The following HECW2 variants were observed in gnomAD, a reference collection of about 807,000 sequenced individuals.
The protein encoded by HECW2 is HECT, C2 and WW domain containing E3 ubiquitin protein ligase 2, also known as E3 ubiquitin-protein ligase HECW2.
Under a neutral mutation model 175.2 loss-of-function variants are expected in HECW2, and 61 were observed. That is an observed-to-expected ratio of 0.35 (90% CI 0.28 to 0.43). The LOEUF is 0.43. HECW2 is among the 20% of genes least tolerant of loss of function. The pLI is 1.00. For missense variants in HECW2, 1,524 were observed against 2,000.5 expected, an observed-to-expected ratio of 0.76 and a Z score of 4.54; for synonymous variants, 671 against 731.0, an observed-to-expected ratio of 0.92 and a Z score of 1.32.
chr2:196,221,886 A>T (rs1040935275), intron 24 of HECW2, among the ~76,000 whole-genome samples: 1 of 152,210 alleles, frequency 6.6e-6, no homozygotes. Flanking sequence ...CAATTAAAAA[A>T]TTCTGTAGTG....
intron 1 of HECW2, among the ~76,000 whole-genome samples, chr2:196,503,476 G>A (rs1012792746): frequency 6.6e-6 from 1 of 152,138 alleles, no homozygotes; most frequent in Admixed American, 6.6e-5. Flanking sequence ...CGCATTGAGA[G>A]GAAAGGGCAG....
chr2:196,460,165 T>C (rs896513222), intron 1 of HECW2, among the ~76,000 whole-genome samples: 1 of 152,106 alleles, frequency 6.6e-6, no homozygotes, highest in Non-Finnish European at 1.5e-5. Flanking sequence ...CAGCTGACAA[T>C]GAGGCTGGAA....
At chr2:196,417,310 T>A (rs2125239117) in intron 2 of HECW2, among the ~76,000 whole-genome samples, 1 of 152,386 alleles carries the variant, frequency 6.6e-6, no homozygotes, top group Admixed American at 6.5e-5. Context: ...TGAAACTTAT[T>A]TAAAACATAG....
chr2:196,284,505 C>T lies in HECW2; in HGVS notation c.3001-5843G>A, dbSNP rs10205724. Among the ~76,000 whole-genome samples, 1,330 of 152,322 alleles carry T rather than the reference C, an allele frequency of 8.7e-3. 28 individuals carry two copies. The highest frequency in any genetic ancestry group is 0.03 in the African/African-American group (1,248 of 41,560). ...GAGTTTTGGCTCTGCTCTGGGCCCACTGTGTGACCTTGGACAGGTTTCCTT... is the reference window on the plus strand; with the variant it reads ...GAGTTTTGGCTCTGCTCTGGGCCCATTGTGTGACCTTGGACAGGTTTCCTT... On this transcript the variant is annotated intron_variant, in intron 14 of 28. Coordinates refer to ENST00000644978, the MANE Select transcript of HECW2 (RefSeq NM_001348768.2).
chr2:196,323,913 TTGTTTG>T lies in HECW2; in HGVS notation c.741+1061_741+1066del, dbSNP rs1404204650. On this transcript the variant is annotated intron_variant, in intron 6 of 28. Transcript: ENST00000644978. ...TGCCCTTAAGAGTTTTTTTTGTTTT[TTGTTTG>T]TTTTTTTTTTTTTTTTTTACCATGA... 3.0e-3 allele frequency among the ~76,000 whole-genome samples: 263 copies of T among 86,900 alleles called. 3 individuals carry two copies. Among genetic ancestry groups the T allele is most frequent in the African/African-American group, 0.015 (252 of 16,400 alleles). 57.0% of individuals were successfully genotyped at this position (86,900 alleles called of 152,430 possible).
intron 2 of HECW2, among the ~76,000 whole-genome samples, chr2:196,372,566 A>T (rs1559073230): frequency 6.6e-6 from 1 of 152,188 alleles, no homozygotes; most frequent in African/African-American, 2.4e-5. Flanking sequence ...ACAATGGGTA[A>T]AGTCACAATA....
At chr2:196,385,975 A>G (rs1314086457) in intron 2 of HECW2, among the ~76,000 whole-genome samples, 1 of 152,170 alleles carries the variant, frequency 6.6e-6, no homozygotes, top group Non-Finnish European at 1.5e-5. Context: ...TCCTATTAAC[A>G]TACACCAATG....
At chr2:196,466,736 G>C (rs1696969816) in intron 1 of HECW2, among the ~76,000 whole-genome samples, 1 of 152,150 alleles carries the variant, frequency 6.6e-6, no homozygotes, top group African/African-American at 2.4e-5. Flanking sequence ...CATCTCCAGG[G>C]GAATTACTGA....
chr2:196,275,478 G>A (rs1295137515), intron 15 of HECW2, among the ~76,000 whole-genome samples: 1 of 152,044 alleles, frequency 6.6e-6, no homozygotes, highest in Non-Finnish European at 1.5e-5. Context: ...TGTGGGCCAG[G>A]CACGGTGGCT....
chr2:196,280,480 C>T (rs1225621685), intron 14 of HECW2, among the ~76,000 whole-genome samples: 1 of 152,138 alleles, frequency 6.6e-6, no homozygotes, highest in Non-Finnish European at 1.5e-5. Flanking sequence ...TAACTTTAAG[C>T]AATGGATGTA....
intron 1 of HECW2, among the ~76,000 whole-genome samples, chr2:196,514,034 A>G (rs991284894): frequency 6.6e-6 from 1 of 152,100 alleles, no homozygotes; most frequent in African/African-American, 2.4e-5. Context: ...TTGGAGTTGG[A>G]GGGGCAGGAG....
chr2:196,446,740 T>A (rs868734069), intron 1 of HECW2, among the ~76,000 whole-genome samples: 2 of 152,070 alleles, frequency 1.3e-5, no homozygotes, highest in South Asian at 4.2e-4. Context: ...AAAAGGTGCA[T>A]CAAAGCAGAA....
chr2:196,391,853 T>C (rs1201737550), intron 2 of HECW2, among the ~76,000 whole-genome samples: 1 of 152,230 alleles, frequency 6.6e-6, no homozygotes, highest in Non-Finnish European at 1.5e-5. Context: ...TTCTGATGGT[T>C]GTTGGCAATC....
intron 17 of HECW2, 57 bp from the exon 18 acceptor site, chr2:196,257,963 CAGTAGTAA>C (rs1396824334): frequency 7.8e-7 from 1 of 1,289,904 alleles, no homozygotes; most frequent in African/African-American, 1.5e-5. Flanking sequence ...GGCTATAACT[CAGTAGTAA>C]AGAGCATTTT....
chr2:196,323,597 T>C (rs6734930), intron 6 of HECW2, among the ~76,000 whole-genome samples: 6,250 of 152,248 alleles, frequency 0.041, 460 homozygotes, highest in African/African-American at 0.14. Flanking sequence ...AAGTACTTGC[T>C]TAGAATAAAA....
At chr2:196,378,891 C>T (rs1219944806) in intron 2 of HECW2, among the ~76,000 whole-genome samples, 3 of 152,102 alleles carry the variant, frequency 2.0e-5, no homozygotes, top group African/African-American at 7.2e-5. Flanking sequence ...CTTAGCATCA[C>T]GAAGAATGGG....
intron 2 of HECW2, among the ~76,000 whole-genome samples, chr2:196,387,281 C>T (rs1694376292): frequency 6.6e-6 from 1 of 152,084 alleles, no homozygotes; most frequent in Non-Finnish European, 1.5e-5. Context: ...CATATGTTGA[C>T]TTCAAATCCC....
At chr2:196,360,167 C>T (rs532733805) in intron 2 of HECW2, among the ~76,000 whole-genome samples, 1 of 152,260 alleles carries the variant, frequency 6.6e-6, no homozygotes, top group Non-Finnish European at 1.5e-5. Context: ...AACAGAACTG[C>T]CATTCGACCC....
intron 1 of HECW2, among the ~76,000 whole-genome samples, chr2:196,562,411 A>T (rs1208106053): frequency 1.3e-5 from 2 of 151,296 alleles, no homozygotes; most frequent in Admixed American, 6.5e-5. Flanking sequence ...ATTTAATGAT[A>T]TTCTCCCTGT....
Sources: allele counts gnomAD v4.1 joint callset (sites outside exome capture counted in the v4.1 genomes callset), GRCh38; gene constraint gnomAD v4.1.1; transcripts MANE v1.5; gene names NCBI Gene and HGNC (gene_info 2026-07-23, HGNC 2026-07-21).